Variants in CCDC30 observed in about 807,000 individuals in gnomAD.
The protein encoded by CCDC30 is coiled-coil domain-containing protein 30.
In CCDC30, 70 loss-of-function variants were observed where a neutral mutation model predicts 100.2. The ratio of observed to expected loss-of-function variants is 0.70; its 90% CI spans 0.58 to 0.85. CCDC30 has a LOEUF of 0.85. Ranked by LOEUF, CCDC30 falls within the 40% of genes least tolerant of loss-of-function variation. The pLI is 0.00. For missense variants in CCDC30, 652 were observed against 771.2 expected (o/e 0.85, Z 1.83); for synonymous variants, 233 against 269.5 (o/e 0.86, Z 1.33).
intron 7 of CCDC30, among the ~76,000 whole-genome samples, chr1:42,568,259 C>T (rs375137243): frequency 2.0e-5 from 3 of 152,036 alleles, no homozygotes; most frequent in South Asian, 2.1e-4. Flanking sequence ...GGATTATAGG[C>T]GCATGTCACC....
At chr1:42,495,496 TA>T (rs1032475046) in intron 4 of CCDC30, among the ~76,000 whole-genome samples, 2 of 146,290 alleles carry the variant, frequency 1.4e-5, no homozygotes, top group African/African-American at 5.1e-5. Context: ...CCCTAAAACT[TA>T]AAGTATGATA....
At chr1:42,632,123 C>T (rs928255841) in intron 11 of CCDC30, among the ~76,000 whole-genome samples, 2 of 152,180 alleles carry the variant, frequency 1.3e-5, no homozygotes, top group Non-Finnish European at 2.9e-5. Context: ...ACCCAAGGCC[C>T]TTAATATAGT....
upstream of CCDC30, chr1:42,459,402 C>G: frequency 1.7e-6 from 1 of 584,710 alleles, no homozygotes; most frequent in Non-Finnish European, 3.0e-6. Context: ...CTCAAGCGAT[C>G]CACCCATCCT....
chr1:42,472,276 C>T (rs574100257), intron 1 of CCDC30, among the ~76,000 whole-genome samples: 47 of 152,102 alleles, frequency 3.1e-4, no homozygotes, highest in Admixed American at 2.2e-3. Context: ...TAGTTAGTGG[C>T]TCTAGTAACA....
intron 6 of CCDC30, among the ~76,000 whole-genome samples, chr1:42,539,832 A>T (rs989042075): frequency 6.6e-6 from 1 of 152,004 alleles, no homozygotes; most frequent in Non-Finnish European, 1.5e-5. Context: ...AAATGTGCCC[A>T]GGAGTTAGAG....
In CCDC30 at chr1:42,482,736, A is replaced by G. The variant is rs974140806; in HGVS notation, c.89A>G (p.Lys30Arg). 92 of 1,234,086 alleles carry G rather than the reference A, an allele frequency of 7.5e-5. 1 individual carries two copies. The highest frequency in any genetic ancestry group is 9.2e-5 in the Non-Finnish European group (91 of 988,080). The allele number at this position is 1,234,086 out of a possible 1,614,324, so 76.4% of individuals were successfully genotyped here. A position where few individuals can be genotyped will look rare whatever the true frequency, so the allele number is the denominator to read the frequency against. The change falls in exon 3 of 17, where the codon AAG (lysine) becomes AGG (arginine). Residue 30 changes from lysine to arginine, a missense_variant. Physicochemically the swap from Lys to Arg is conservative, Grantham distance 26 (BLOSUM62 2). Coordinates refer to ENST00000668663, the Ensembl canonical transcript of CCDC30. Reference sequence around the variant, plus strand: ...GGAAGAGGAATGGAACAAGTAGCAAAGAAGTTAGGGGTGGCTCATGAAGAG... The same window carrying G: ...GGAAGAGGAATGGAACAAGTAGCAAGGAAGTTAGGGGTGGCTCATGAAGAG...
At chr1:42,638,510 G>T (rs1647202760) in intron 12 of CCDC30, among the ~76,000 whole-genome samples, 1 of 150,388 alleles carries the variant, frequency 6.6e-6, no homozygotes, top group Non-Finnish European at 1.5e-5. Context: ...AAAAGACTAT[G>T]GAAAGTGTAT....
chr1:42,615,074 A>G (rs1174076708), intron 11 of CCDC30, among the ~76,000 whole-genome samples: 5 of 152,214 alleles, frequency 3.3e-5, no homozygotes, highest in Non-Finnish European at 7.3e-5. Flanking sequence ...ATGGGAGGAA[A>G]CCTCAAATCC....
intron 6 of CCDC30, among the ~76,000 whole-genome samples, chr1:42,530,361 C>A (rs1644787864): frequency 6.6e-6 from 1 of 152,052 alleles, no homozygotes; most frequent in African/African-American, 2.4e-5. Flanking sequence ...TCTTACTATG[C>A]CTAATTTACA....
At chr1:42,486,636 C>T (rs1644055282) in intron 3 of CCDC30, among the ~76,000 whole-genome samples, 2 of 152,226 alleles carry the variant, frequency 1.3e-5, no homozygotes, top group South Asian at 4.1e-4. Context: ...CTCTTGGAAG[C>T]TTGTTCCTGG....
the CCDC30 span, chr1:42,457,091 A>C: frequency 1.3e-6 from 2 of 1,580,756 alleles, no homozygotes; most frequent in African/African-American, 1.3e-5. Context: ...CCCTAGGAGT[A>C]CCCCTTTTGC....
chr1:42,545,533 T>C, intron 6 of CCDC30: 1 of 1,605,750 alleles, frequency 6.2e-7, no homozygotes, highest in Non-Finnish European at 8.5e-7. Flanking sequence ...TGAACCAATT[T>C]TGGAAACAGA....
chr1:42,641,621 C>T (rs902005701), intron 12 of CCDC30, among the ~76,000 whole-genome samples: 1 of 152,008 alleles, frequency 6.6e-6, no homozygotes, highest in Non-Finnish European at 1.5e-5. Context: ...AATCCCAAAC[C>T]TTTGGGAGGC....
intron 6 of CCDC30, among the ~76,000 whole-genome samples, chr1:42,557,244 A>G (rs1406211035): frequency 4.6e-5 from 7 of 152,250 alleles, no homozygotes; most frequent in Admixed American, 4.6e-4. Flanking sequence ...GGATTCAGAT[A>G]CAGAGTTTGA....
At chr1:42,463,333 G>A (rs542830685) in exon 1 of CCDC30, 6 of 152,366 alleles carry the variant, frequency 3.9e-5, no homozygotes, top group African/African-American at 1.2e-4. Flanking sequence ...GCAGCTGAGC[G>A]CGTAGGGGCC....
At chr1:42,505,412 AG>A (rs768218780) in intron 6 of CCDC30, among the ~76,000 whole-genome samples, 245 of 152,306 alleles carry the variant, frequency 1.6e-3, no homozygotes, top group South Asian at 3.5e-3. Context: ...CCTAAAATGT[AG>A]GGAAAAAAAA....
chr1:42,543,569 CA>C (rs1645061054), intron 6 of CCDC30, among the ~76,000 whole-genome samples: 1 of 152,186 alleles, frequency 6.6e-6, no homozygotes, highest in Admixed American at 6.5e-5. Context: ...CTTATTTCTG[CA>C]GCTCCTTACT....
chr1:42,559,218 C>T (rs369484682), intron 6 of CCDC30, among the ~76,000 whole-genome samples: 15 of 152,184 alleles, frequency 9.9e-5, no homozygotes, highest in South Asian at 2.1e-4. Flanking sequence ...AATGACACTA[C>T]GAAGAAACTG....
At chr1:42,485,844 C>T (rs1447853705) in intron 3 of CCDC30, among the ~76,000 whole-genome samples, 1 of 152,076 alleles carries the variant, frequency 6.6e-6, no homozygotes, top group Non-Finnish European at 1.5e-5. Context: ...ACATTGTACC[C>T]CATAAACATA....
Sources: allele counts gnomAD v4.1 joint callset (sites outside exome capture counted in the v4.1 genomes callset), GRCh38; gene constraint gnomAD v4.1.1; transcripts MANE v1.5; gene names NCBI Gene and HGNC (gene_info 2026-07-23, HGNC 2026-07-21).